Variants in GALNT13 observed in about 807,000 individuals in gnomAD.
The protein encoded by GALNT13 is UDP-GalNAc:polypeptide N-acetylgalactosaminyltransferase 13.
A neutral mutation model predicts 64.2 loss-of-function variants in GALNT13; 28 were observed. The observed-to-expected ratio is 0.44, with a 90% confidence interval of 0.32 to 0.60. GALNT13 has a LOEUF of 0.60. GALNT13 is among the 20% of genes least tolerant of loss of function. The pLI is 0.05. For synonymous variants in GALNT13, 214 were observed against 224.6 expected (o/e 0.95, Z 0.42); for missense variants, 577 against 669.8 (o/e 0.86, Z 1.53).
intron 11 of GALNT13, chr2:154,437,852 TAAAAA>T (rs10714112): frequency 6.3e-4 from 73 of 116,724 alleles, no homozygotes; most frequent in South Asian, 1.8e-3. Context: ...AGACTCCATC[TAAAAA>T]AAAAAAAAAA....
chr2:153,447,160 G>A, the GALNT13 span, among the ~76,000 whole-genome samples: 1 of 152,114 alleles, frequency 6.6e-6, no homozygotes, highest in Non-Finnish European at 1.5e-5. Context: ...ACATAAAATG[G>A]CATACATCTC....
chr2:154,288,202 G>A (rs1357269363), intron 8 of GALNT13, among the ~76,000 whole-genome samples: 3 of 151,958 alleles, frequency 2.0e-5, no homozygotes, highest in East Asian at 1.9e-4. Flanking sequence ...ATAAAACATC[G>A]GATCTCATGA....
At chr2:153,182,895 C>T in the GALNT13 span, among the ~76,000 whole-genome samples, 3 of 152,076 alleles carry the variant, frequency 2.0e-5, no homozygotes, top group Admixed American at 6.6e-5. Context: ...CATGTCTTTG[C>T]TATTGTGAAT....
chr2:153,252,645 T>A, the GALNT13 span, among the ~76,000 whole-genome samples: 2 of 152,258 alleles, frequency 1.3e-5, no homozygotes, highest in African/African-American at 4.8e-5. Context: ...AATTAATTTT[T>A]GTATAATGTG....
At position 154,243,184 on chromosome 2, in the gene GALNT13, T is replaced by C. The variant is rs547428626; in HGVS notation, c.686+279T>C. 1.4e-4 allele frequency among the ~76,000 whole-genome samples: 22 copies of C among 152,342 alleles called. 1 individual carries two copies. The highest frequency in any genetic ancestry group is 5.9e-4 in the Admixed American group (9 of 15,298). On this transcript the variant is annotated intron_variant, in intron 6 of 12. Coordinates refer to ENST00000392825, the MANE Select transcript of GALNT13 (RefSeq NM_052917.4). ...ATAAATATAATCTAAAATAGTATAA[T>C]TGTGTTATAAAGCACATTTTCAAAG...
At chr2:153,696,456 G>A in the GALNT13 span, among the ~76,000 whole-genome samples, 1 of 151,994 alleles carries the variant, frequency 6.6e-6, no homozygotes, top group South Asian at 2.1e-4. Context: ...ACATACCTGG[G>A]AACAATACAT....
chr2:153,808,943 A>G, the GALNT13 span, among the ~76,000 whole-genome samples: 7 of 152,226 alleles, frequency 4.6e-5, no homozygotes, highest in Non-Finnish European at 1.0e-4. Flanking sequence ...ATATCTGAAC[A>G]TGGGTAGAGA....
the GALNT13 span, among the ~76,000 whole-genome samples, chr2:153,499,698 G>T: frequency 1.3e-5 from 2 of 152,258 alleles, no homozygotes; most frequent in Non-Finnish European, 2.9e-5. Context: ...TGGCATGTAA[G>T]CATTGCCTTG....
the GALNT13 span, among the ~76,000 whole-genome samples, chr2:153,587,570 A>G: frequency 6.6e-6 from 1 of 152,150 alleles, no homozygotes; most frequent in Non-Finnish European, 1.5e-5. Flanking sequence ...ATCAGATCTC[A>G]TGAGACTTAT....
the GALNT13 span, among the ~76,000 whole-genome samples, chr2:153,216,460 C>T: frequency 6.6e-6 from 1 of 152,022 alleles, no homozygotes; most frequent in African/African-American, 2.4e-5. Flanking sequence ...TCTGCATCCT[C>T]ATCAGCATGT....
At chr2:153,467,488 A>G in the GALNT13 span, among the ~76,000 whole-genome samples, 1 of 152,110 alleles carries the variant, frequency 6.6e-6, no homozygotes, top group African/African-American at 2.4e-5. Flanking sequence ...GCAGAGAGGA[A>G]AATGCTGTTT....
the GALNT13 span, among the ~76,000 whole-genome samples, chr2:153,072,330 T>G: frequency 2.0e-4 from 30 of 152,102 alleles, no homozygotes; most frequent in Non-Finnish European, 4.0e-4. Context: ...GCAGACAGCC[T>G]CTCCCAAGAA....
intron 4 of GALNT13, among the ~76,000 whole-genome samples, chr2:154,173,991 A>T (rs2105709032): frequency 6.6e-6 from 1 of 152,310 alleles, no homozygotes; most frequent in African/African-American, 2.4e-5. Flanking sequence ...AGGTTCGTCA[A>T]AAATCTAAAA....
intron 9 of GALNT13, among the ~76,000 whole-genome samples, chr2:154,327,356 A>C (rs1454160861): frequency 2.0e-5 from 3 of 152,198 alleles, no homozygotes; most frequent in Non-Finnish European, 2.9e-5. Flanking sequence ...GTAGTATGGA[A>C]ACAGACTAAT....
the GALNT13 span, among the ~76,000 whole-genome samples, chr2:153,724,436 A>G: frequency 2.6e-5 from 3 of 116,914 alleles, no homozygotes; most frequent in South Asian, 9.7e-4. Flanking sequence ...AATGGCAACC[A>G]AAGCCAAAAT....
chr2:153,648,040 T>A, the GALNT13 span, among the ~76,000 whole-genome samples: 3 of 152,214 alleles, frequency 2.0e-5, no homozygotes, highest in South Asian at 6.2e-4. Context: ...GCATTGAATC[T>A]GTAAATTACC....
intron 9 of GALNT13, among the ~76,000 whole-genome samples, chr2:154,345,498 T>C (rs1226884554): frequency 3.9e-5 from 6 of 152,050 alleles, no homozygotes; most frequent in Non-Finnish European, 8.8e-5. Flanking sequence ...TCTGAGTGCG[T>C]AAAATGTGCC....
At chr2:154,288,940 CA>C (rs1220035714) in intron 8 of GALNT13, among the ~76,000 whole-genome samples, 2 of 152,224 alleles carry the variant, frequency 1.3e-5, no homozygotes, top group East Asian at 3.9e-4. Flanking sequence ...GGACAATGCC[CA>C]GGGGGGACTC....
At chr2:154,263,010 A>G (rs1304063602) in intron 8 of GALNT13, among the ~76,000 whole-genome samples, 1 of 152,132 alleles carries the variant, frequency 6.6e-6, no homozygotes, top group Non-Finnish European at 1.5e-5. Flanking sequence ...AAGCAATATC[A>G]TGGGGAGCAG....
Sources: gnomAD v4.1 joint callset for allele counts (sites outside exome capture counted in the v4.1 genomes callset) on GRCh38, gnomAD v4.1.1 for gene constraint, MANE v1.5 for transcripts, NCBI Gene and HGNC (gene_info 2026-07-23, HGNC 2026-07-21) for gene names.